The following MYO1H variants were observed in gnomAD, a reference collection of about 807,000 sequenced individuals.
The protein encoded by MYO1H is unconventional myosin-Ih.
Under a neutral mutation model 149.3 loss-of-function variants are expected in MYO1H, and 118 were observed. The observed-to-expected ratio is 0.79, with a 90% CI of 0.68 to 0.92. The LOEUF (loss-of-function observed/expected upper bound fraction) is 0.92, where lower values mean the gene tolerates loss of function less well. MYO1H is among the 40% of genes least tolerant of loss of function. MYO1H has a pLI of 0.00. For missense variants in MYO1H, 1,212 were observed against 1,280.7 expected (o/e 0.95, Z 0.82); for synonymous variants, 447 against 465.2 (o/e 0.96, Z 0.50).
intron 5 of MYO1H, among the ~76,000 whole-genome samples, chr12:109,399,412 T>C (rs1222386335): frequency 1.3e-5 from 2 of 151,040 alleles, no homozygotes; most frequent in Non-Finnish European, 2.9e-5. Context: ...GCCAACATGG[T>C]GAAACCCTGT....
intron 1 of MYO1H, among the ~76,000 whole-genome samples, chr12:109,365,076 G>T (rs1240624036): frequency 1.3e-5 from 2 of 152,162 alleles, no homozygotes. Flanking sequence ...ATCAAGTCCA[G>T]CCTGGGCAAC....
chr12:109,341,528 G>A, the MYO1H span, among the ~76,000 whole-genome samples: 1 of 152,212 alleles, frequency 6.6e-6, no homozygotes, highest in African/African-American at 2.4e-5. Context: ...TGCATTTGTG[G>A]CAGAGACTCA....
intron 14 of MYO1H, among the ~76,000 whole-genome samples, chr12:109,413,904 C>A (rs1870784427): frequency 6.6e-6 from 1 of 151,840 alleles, no homozygotes; most frequent in African/African-American, 2.4e-5. Flanking sequence ...AGCAAGACTC[C>A]ATCTCAAAGA....
intron 10 of MYO1H, among the ~76,000 whole-genome samples, chr12:109,408,492 T>G (rs1870496069): frequency 6.6e-6 from 1 of 152,168 alleles, no homozygotes; most frequent in Admixed American, 6.5e-5. Flanking sequence ...AACAGTAATA[T>G]ATTCACCTGA....
At chr12:109,411,857 G>C in intron 13 of MYO1H, 37 bp from the exon 14 acceptor site, 1 of 1,441,142 alleles carries the variant, frequency 6.9e-7, no homozygotes, top group Non-Finnish European at 9.6e-7. Flanking sequence ...GATGGAGTGT[G>C]GTGCTGTGGA....
At chr12:109,356,047 G>C (rs1868589964) in intron 1 of MYO1H, among the ~76,000 whole-genome samples, 1 of 152,090 alleles carries the variant, frequency 6.6e-6, no homozygotes, top group Admixed American at 6.6e-5. Context: ...GTTTCTAAAT[G>C]TACCTCAAGT....
chr12:109,394,382 T>C (rs1869803083), intron 3 of MYO1H, among the ~76,000 whole-genome samples: 1 of 152,252 alleles, frequency 6.6e-6, no homozygotes, highest in East Asian at 1.9e-4. Flanking sequence ...TCTAGAGCCA[T>C]TTCACAGAAG....
chr12:109,391,543 C>T (rs761879428), intron 2 of MYO1H, among the ~76,000 whole-genome samples: 8 of 152,106 alleles, frequency 5.3e-5, no homozygotes, highest in Non-Finnish European at 1.2e-4. Context: ...AGTGAACACA[C>T]GTGTACATGT....
intron 30 of MYO1H, 28 bp downstream of exon 30, chr12:109,444,557 A>G: frequency 7.1e-6 from 11 of 1,551,810 alleles, no homozygotes; most frequent in Non-Finnish European, 8.9e-6. Context: ...CAGCTCAGGA[A>G]GTAATTCAAT....
intron 1 of MYO1H, among the ~76,000 whole-genome samples, chr12:109,376,762 G>A (rs568496408): frequency 2.0e-5 from 3 of 152,202 alleles, no homozygotes; most frequent in Non-Finnish European, 2.9e-5. Context: ...TCTGTATACA[G>A]ATTATCTTGG....
At chr12:109,411,283 T>G (rs887413629) in intron 13 of MYO1H, among the ~76,000 whole-genome samples, 1 of 151,932 alleles carries the variant, frequency 6.6e-6, no homozygotes, top group Non-Finnish European at 1.5e-5. Flanking sequence ...TTTAAAAATT[T>G]TGTAGAGACA....
At chr12:109,410,056 G>A in exon 12 of MYO1H, 1 of 1,522,268 alleles carries the variant, frequency 6.6e-7, no homozygotes, top group Non-Finnish European at 8.9e-7. Flanking sequence ...AATATGAAAT[G>A]GAAGGCATAG....
chr12:109,313,934 G>C, the MYO1H span, among the ~76,000 whole-genome samples: 1 of 152,142 alleles, frequency 6.6e-6, no homozygotes, highest in South Asian at 2.1e-4. Context: ...CCCCAGTCTG[G>C]AGTGCAGTGG....
At chr12:109,320,700 C>T in the MYO1H span, among the ~76,000 whole-genome samples, 1 of 149,132 alleles carries the variant, frequency 6.7e-6, no homozygotes. Context: ...ATCTCATATA[C>T]AAAGGTAAAT....
intron 1 of MYO1H, among the ~76,000 whole-genome samples, chr12:109,352,024 T>A (rs1868469634): frequency 6.6e-6 from 1 of 152,210 alleles, no homozygotes; most frequent in Non-Finnish European, 1.5e-5. Context: ...TTGCTCTCTT[T>A]GCTTCAGAAT....
the MYO1H span, among the ~76,000 whole-genome samples, chr12:109,320,807 C>A: frequency 2.0e-5 from 3 of 152,036 alleles, no homozygotes; most frequent in South Asian, 6.2e-4. Context: ...AGAAGATCCT[C>A]GGCTGGGCGT....
At chr12:109,436,659 T>C in intron 22 of MYO1H, 103 bp downstream of exon 22, 3 of 751,894 alleles carry the variant, frequency 4.0e-6, no homozygotes, top group Non-Finnish European at 4.5e-6. Context: ...CTTAAAACCT[T>C]GTGTGGTGCT....
chr12:109,430,654 C>T (rs1215870724), intron 19 of MYO1H, among the ~76,000 whole-genome samples: 1 of 152,162 alleles, frequency 6.6e-6, no homozygotes, highest in Non-Finnish European at 1.5e-5. Flanking sequence ...TTTCACTGGA[C>T]ATGGTAGCTC....
rs750423182 is a variant in MYO1H, at chr12:109,426,032, C to T, written c.1812C>T (p.Pro604=). The T allele has an allele frequency of 9.9e-6, 16 of 1,613,418 alleles. No homozygotes were observed. The South Asian group carries it at 1.8e-4, about 18-fold the overall frequency. Reference sequence around the variant, plus strand: ...CCTCCTACATCCGTTGCATCAAGCCCAACGACAGGAAAGAACCCAGTGAGT... The same window carrying T: ...CCTCCTACATCCGTTGCATCAAGCCTAACGACAGGAAAGAACCCAGTGAGT... The change falls in exon 18 of 32, where the codon CCC becomes CCT. Residue 604 remains proline (P), a synonymous_variant. Coordinates refer to ENST00000310903, the Ensembl canonical transcript of MYO1H.
Sources: gnomAD v4.1 joint callset for allele counts (sites outside exome capture counted in the v4.1 genomes callset) on GRCh38, gnomAD v4.1.1 for gene constraint, MANE v1.5 for transcripts, NCBI Gene and HGNC (gene_info 2026-07-23, HGNC 2026-07-21) for gene names.